Variants in RUNX2 observed in about 807,000 individuals in gnomAD.
RUNX2 encodes the protein RUNX family transcription factor 2.
In RUNX2, 10 loss-of-function variants were observed where a neutral mutation model predicts 51.7. That is an observed-to-expected ratio of 0.19 (90% CI 0.12 to 0.33). RUNX2 has a LOEUF of 0.33. Among genes scored for constraint, RUNX2 ranks in the 10% least tolerant of loss-of-function variants. The probability of loss-of-function intolerance (pLI) is 1.00; values close to 1 mark genes in which losing one functional copy is unlikely to be tolerated. For synonymous variants in RUNX2, 276 were observed against 273.6 expected (o/e 1.01, Z -0.09); for missense variants, 562 against 691.3 (o/e 0.81, Z 2.10).
At chr6:45,351,050 G>GT (rs1554358201) in intron 2 of RUNX2, among the ~76,000 whole-genome samples, 1 of 152,100 alleles carries the variant, frequency 6.6e-6, no homozygotes, top group Non-Finnish European at 1.5e-5. Context: ...GATGTGAGGT[G>GT]TAACAGTTGC....
chr6:45,481,635 C>T (rs1468001745), intron 5 of RUNX2, among the ~76,000 whole-genome samples: 1 of 152,188 alleles, frequency 6.6e-6, no homozygotes, highest in Non-Finnish European at 1.5e-5. Flanking sequence ...AGTGATAAAA[C>T]GGAGTCAGAG....
At chr6:45,449,521 G>A (rs1315923256) in intron 5 of RUNX2, among the ~76,000 whole-genome samples, 2 of 152,220 alleles carry the variant, frequency 1.3e-5, no homozygotes, top group African/African-American at 4.8e-5. Context: ...AGACAGGCAA[G>A]GATTCCAGAT....
At chr6:45,361,407 G>A (rs1409695985) in intron 2 of RUNX2, among the ~76,000 whole-genome samples, 1 of 152,082 alleles carries the variant, frequency 6.6e-6, no homozygotes, top group Admixed American at 6.6e-5. Context: ...CTGTAACTCT[G>A]AAAAAGTACA....
chr6:45,453,704 C>A (rs1210292674), intron 5 of RUNX2, among the ~76,000 whole-genome samples: 1 of 152,118 alleles, frequency 6.6e-6, no homozygotes, highest in Non-Finnish European at 1.5e-5. Context: ...TCAAAGGGAA[C>A]AAAAGTGGAT....
intron 2 of RUNX2, among the ~76,000 whole-genome samples, chr6:45,363,820 G>T (rs1794677327): frequency 1.3e-5 from 2 of 151,878 alleles, no homozygotes; most frequent in African/African-American, 4.8e-5. Flanking sequence ...TTTGGCTTTA[G>T]AATATTTTTA....
intron 5 of RUNX2, among the ~76,000 whole-genome samples, chr6:45,485,976 A>G (rs1453026745): frequency 6.6e-6 from 1 of 151,998 alleles, no homozygotes; most frequent in Non-Finnish European, 1.5e-5. Context: ...TAAAGATTAT[A>G]TTGAATACAA....
intron 5 of RUNX2, among the ~76,000 whole-genome samples, chr6:45,485,068 A>G (rs1273803913): frequency 6.6e-6 from 1 of 152,094 alleles, no homozygotes; most frequent in Non-Finnish European, 1.5e-5. Context: ...AAATTAGCTC[A>G]TGTCTCCCCA....
At chr6:45,537,550 AGTACT>A (rs1802077536) in intron 7 of RUNX2, among the ~76,000 whole-genome samples, 3 of 152,192 alleles carry the variant, frequency 2.0e-5, no homozygotes, top group Admixed American at 6.5e-5. Flanking sequence ...GCTTTGATCG[AGTACT>A]TCTGCAGATC....
chr6:45,432,631 A>G (rs1798573063), intron 4 of RUNX2, among the ~76,000 whole-genome samples: 3 of 152,194 alleles, frequency 2.0e-5, no homozygotes, highest in African/African-American at 2.4e-5. Context: ...ATAGTTCCAT[A>G]CTATGTAAGG....
At chr6:45,518,211 T>C (rs534155001) in intron 7 of RUNX2, among the ~76,000 whole-genome samples, 27 of 152,340 alleles carry the variant, frequency 1.8e-4, no homozygotes, top group South Asian at 1.2e-3. Flanking sequence ...GAGTAACTCT[T>C]ATTTTGAAGA....
At chr6:45,440,372 T>A (rs1798809042) in intron 5 of RUNX2, among the ~76,000 whole-genome samples, 1 of 152,210 alleles carries the variant, frequency 6.6e-6, no homozygotes, top group Non-Finnish European at 1.5e-5. Context: ...TATTTCCAAT[T>A]TTCTTAAACA....
rs547405396 is a variant in RUNX2 at position 45,475,083 on chromosome 6, C to G, written c.686-16858C>G. On this transcript the variant is annotated intron_variant, in intron 5 of 8. Coordinates refer to ENST00000647337, the MANE Select transcript of RUNX2 (RefSeq NM_001024630.4). ...AGGCTGCAATGAGCCAAGATTGCAC[C>G]ACTGCACTCCAGCCTGGGCGACAGA... 1.5e-4 allele frequency among the ~76,000 whole-genome samples: 23 copies of G among 149,796 alleles called. No homozygotes were observed. The South Asian group carries it at 4.4e-3, about 29-fold the overall frequency.
At chr6:45,404,700 T>C (rs1797795804) in intron 2 of RUNX2, among the ~76,000 whole-genome samples, 1 of 152,178 alleles carries the variant, frequency 6.6e-6, no homozygotes, top group South Asian at 2.1e-4. Flanking sequence ...AACTTCACAA[T>C]TTACCAAAAA....
At chr6:45,367,946 T>C (rs921679883) in intron 2 of RUNX2, among the ~76,000 whole-genome samples, 2 of 152,202 alleles carry the variant, frequency 1.3e-5, no homozygotes, top group African/African-American at 4.8e-5. Flanking sequence ...CATTGTTTGA[T>C]TTAGATAATT....
intron 2 of RUNX2, chr6:45,365,404 T>C: frequency 1.4e-6 from 1 of 737,434 alleles, no homozygotes; most frequent in Admixed American, 2.7e-5. Flanking sequence ...GTAGAGAAAA[T>C]TTAAATTTCT....
chr6:45,352,664 C>T (rs1247649998), intron 2 of RUNX2, among the ~76,000 whole-genome samples: 1 of 152,154 alleles, frequency 6.6e-6, no homozygotes, highest in South Asian at 2.1e-4. Context: ...GCAACTGTAC[C>T]TAGTATTCTG....
intron 2 of RUNX2, among the ~76,000 whole-genome samples, chr6:45,382,724 C>T (rs1396527044): frequency 1.3e-5 from 2 of 152,158 alleles, no homozygotes; most frequent in Non-Finnish European, 2.9e-5. Context: ...AGGCTATTGG[C>T]AGAAGATTGA....
intron 5 of RUNX2, among the ~76,000 whole-genome samples, chr6:45,476,585 G>A (rs1799962148): frequency 6.6e-6 from 1 of 152,066 alleles, no homozygotes; most frequent in Non-Finnish European, 1.5e-5. Context: ...CAGTTGGGAG[G>A]GCTTTTAGAC....
At chr6:45,335,863 G>T (rs1298265036) in intron 2 of RUNX2, among the ~76,000 whole-genome samples, 1 of 151,252 alleles carries the variant, frequency 6.6e-6, no homozygotes, top group African/African-American at 2.4e-5. Context: ...AAGCATTTCG[G>T]TAATTCAGCT....
Sources: allele counts gnomAD v4.1 joint callset (sites outside exome capture counted in the v4.1 genomes callset), GRCh38; gene constraint gnomAD v4.1.1; transcripts MANE v1.5; gene names NCBI Gene and HGNC (gene_info 2026-07-23, HGNC 2026-07-21).